Variants in VWA8 observed in about 807,000 individuals in gnomAD.
VWA8 encodes von Willebrand factor A domain-containing protein 8.
VWA8 carries 221 observed loss-of-function variants against 241.5 expected under a neutral mutation model. The observed-to-expected ratio is 0.91, with a 90% CI of 0.82 to 1.02. VWA8 has a LOEUF of 1.02. Ranked by LOEUF, VWA8 falls within the 50% of genes least tolerant of loss-of-function variation. VWA8 has a pLI of 0.00. For missense variants in VWA8, 2,322 were observed against 2,328.7 expected (o/e 1.00, Z 0.06); for synonymous variants, 852 against 827.1 (o/e 1.03, Z -0.52).
At position 41,648,963 on chromosome 13, in the gene VWA8, C is replaced by G. The variant is rs373993101; in HGVS notation, c.4611+21983G>C. On this transcript the variant is annotated intron_variant, in intron 37 of 44. Transcript: ENST00000379310. ...TTTTGGGAGGCCAAGGCGGGTGGAT[C>G]ACATGAGGCCAGGAGTTCGATACCA... Among the ~76,000 whole-genome samples the G allele has an allele frequency of 4.2e-4, 64 of 152,274 alleles. No homozygotes were observed. In the South Asian group the frequency reaches 0.013, roughly 31 times the overall value.
chr13:41,949,311 T>G (rs1216065374), intron 2 of VWA8, among the ~76,000 whole-genome samples: 1 of 152,170 alleles, frequency 6.6e-6, no homozygotes, highest in Non-Finnish European at 1.5e-5. Flanking sequence ...AATGATGAGT[T>G]CATGTCCTTT....
chr13:41,695,788 C>G (rs1465352921), intron 29 of VWA8, among the ~76,000 whole-genome samples: 1 of 152,152 alleles, frequency 6.6e-6, no homozygotes, highest in Non-Finnish European at 1.5e-5. Context: ...AAGTCAAGCA[C>G]AGCTTCACAA....
chr13:41,788,909 T>C (rs1463812262), intron 17 of VWA8, among the ~76,000 whole-genome samples: 1 of 152,198 alleles, frequency 6.6e-6, no homozygotes, highest in Non-Finnish European at 1.5e-5. Context: ...GTTGGCCCTG[T>C]GTGGAAACAT....
At chr13:41,676,941 T>A (rs1347816126) in intron 35 of VWA8, among the ~76,000 whole-genome samples, 1 of 152,144 alleles carries the variant, frequency 6.6e-6, no homozygotes, top group Non-Finnish European at 1.5e-5. Flanking sequence ...CCTGTTCTGC[T>A]GTTTTTATGT....
intron 35 of VWA8, 140 bp downstream of exon 35, chr13:41,684,907 C>A (rs904632272): frequency 2.6e-6 from 2 of 769,740 alleles, no homozygotes; most frequent in Non-Finnish European, 4.1e-6. Flanking sequence ...ACGGAGAGGT[C>A]TTTTTAGTTA....
chr13:41,723,433 T>C (rs996217534), intron 24 of VWA8, among the ~76,000 whole-genome samples: 4 of 152,188 alleles, frequency 2.6e-5, no homozygotes, highest in East Asian at 1.9e-4. Context: ...AGCTTAAAAG[T>C]AGAGTAAACT....
intron 20 of VWA8, among the ~76,000 whole-genome samples, chr13:41,765,058 CA>C (rs1361110090): frequency 6.6e-6 from 1 of 151,528 alleles, no homozygotes; most frequent in Non-Finnish European, 1.5e-5. Context: ...AAGGAACCAA[CA>C]GGACTTAATG....
intron 37 of VWA8, among the ~76,000 whole-genome samples, chr13:41,636,058 C>G (rs2044754580): frequency 6.6e-6 from 1 of 152,052 alleles, no homozygotes; most frequent in Non-Finnish European, 1.5e-5. Context: ...TCAGAGCACA[C>G]AAAGATTTAT....
chr13:41,732,257 C>A, intron 21 of VWA8, 102 bp from the exon 22 acceptor site: 4 of 1,047,734 alleles, frequency 3.8e-6, no homozygotes, highest in South Asian at 3.3e-5. Context: ...GATTTTTGTT[C>A]ATCATCCTGC....
chr13:41,781,230 C>T (rs1868871391), intron 19 of VWA8, among the ~76,000 whole-genome samples: 1 of 152,164 alleles, frequency 6.6e-6, no homozygotes, highest in African/African-American at 2.4e-5. Flanking sequence ...TTTCCTAATT[C>T]ACCAGCCTCT....
intron 38 of VWA8, among the ~76,000 whole-genome samples, chr13:41,612,257 C>G (rs958954006): frequency 2.0e-5 from 3 of 152,134 alleles, no homozygotes; most frequent in African/African-American, 7.2e-5. Context: ...AAATAATGCA[C>G]AGAGAGGCTA....
At chr13:41,896,597 T>A (rs1281866746) in intron 4 of VWA8, among the ~76,000 whole-genome samples, 1 of 152,124 alleles carries the variant, frequency 6.6e-6, no homozygotes, top group Non-Finnish European at 1.5e-5. Flanking sequence ...ATAAATTGAA[T>A]TTTTATAGAT....
In VWA8 at chr13:41,883,419, C is replaced by T; in HGVS notation, c.1048G>A (p.Glu350Lys). The T allele has an allele frequency of 6.2e-7, 1 of 1,613,596 alleles. No homozygotes were observed. The highest frequency in any genetic ancestry group is 2.2e-5 in the East Asian group (1 of 44,848). The change falls in exon 9 of 45, where the codon GAA becomes AAA. Residue 350 changes from glutamate (E) to lysine (K), a missense_variant. By Grantham distance (56) the Glu-to-Lys change is moderately conservative. Coordinates refer to ENST00000379310, the MANE Select transcript of VWA8 (RefSeq NM_015058.2). The part of the protein sequence containing the change: ...LYPYSILLGH[E>K]GKMAVEGVLK... ...ACACCTTCCACAGCCATCTTCCCTT[C>T]ATGACCTAGTAAAATACTATATGGA...
At chr13:41,731,862 C>T (rs2045486435) in intron 22 of VWA8, among the ~76,000 whole-genome samples, 2 of 152,152 alleles carry the variant, frequency 1.3e-5, no homozygotes, top group Admixed American at 6.6e-5. Flanking sequence ...AGACATGCCT[C>T]TCACCTTCCA....
chr13:41,688,779 A>T (rs767685330), intron 34 of VWA8, among the ~76,000 whole-genome samples: 37 of 152,116 alleles, frequency 2.4e-4, no homozygotes, highest in Admixed American at 1.6e-3. Context: ...CATCGAGGAC[A>T]TACGGACACA....
chr13:41,914,016 T>C (rs1469644419), intron 2 of VWA8, among the ~76,000 whole-genome samples: 2 of 152,152 alleles, frequency 1.3e-5, no homozygotes, highest in African/African-American at 4.8e-5. Flanking sequence ...CCGAGGCAGG[T>C]GGATCACCTG....
intron 2 of VWA8, 99 bp from the exon 3 acceptor site, chr13:41,912,267 T>C: frequency 1.2e-6 from 1 of 859,732 alleles, no homozygotes; most frequent in Non-Finnish European, 1.6e-6. Flanking sequence ...ATATAACGTA[T>C]ATAAAATATG....
At chr13:41,601,483 G>C (rs549977329) in intron 40 of VWA8, among the ~76,000 whole-genome samples, 112 of 152,252 alleles carry the variant, frequency 7.4e-4, no homozygotes, top group Non-Finnish European at 8.5e-4. Flanking sequence ...ATCAGAGAAA[G>C]GTTAATTTAG....
chr13:41,804,292 G>C (rs1363216642), intron 17 of VWA8, among the ~76,000 whole-genome samples: 1 of 152,154 alleles, frequency 6.6e-6, no homozygotes, highest in Non-Finnish European at 1.5e-5. Context: ...ATATAATGGA[G>C]CTTCACTAGG....
Sources: allele counts gnomAD v4.1 joint callset (sites outside exome capture counted in the v4.1 genomes callset), GRCh38; gene constraint gnomAD v4.1.1; transcripts MANE v1.5; gene names NCBI Gene and HGNC (gene_info 2026-07-23, HGNC 2026-07-21).